Variants in HIP1 observed in about 807,000 individuals in gnomAD.
HIP1 encodes huntingtin-interacting protein 1.
Under a neutral mutation model 147.6 loss-of-function variants are expected in HIP1, and 65 were observed. The observed-to-expected ratio is 0.44, with a 90% CI of 0.36 to 0.54. The LOEUF (loss-of-function observed/expected upper bound fraction) is 0.54, where lower values mean the gene tolerates loss of function less well. Among genes scored for constraint, HIP1 ranks in the 20% least tolerant of loss-of-function variants. HIP1 has a pLI of 0.00. For missense variants in HIP1, 1,061 were observed against 1,299.6 expected (o/e 0.82, Z 2.82); for synonymous variants, 479 against 504.0 (o/e 0.95, Z 0.67).
At chr7:75,665,783 C>T (rs926692424) in intron 1 of HIP1, among the ~76,000 whole-genome samples, 7 of 152,168 alleles carry the variant, frequency 4.6e-5, no homozygotes, top group South Asian at 4.1e-4. Flanking sequence ...TCAAGTGATC[C>T]GCCTGCTTCG....
chr7:75,595,251 T>TCTTCCTTCCTTCCTTCCTTCCTTCCTTC (rs1554501696), intron 2 of HIP1, among the ~76,000 whole-genome samples: 15 of 59,536 alleles, frequency 2.5e-4, no homozygotes, highest in South Asian at 1.2e-3. Context: ...TTTCTTTCTT[T>TCTTCCTTCCTTCCTTCCTTCCTTCCTTC]CTTCCTTCCT....
intron 1 of HIP1, among the ~76,000 whole-genome samples, chr7:75,674,901 C>T (rs4728147): frequency 0.57 from 85,678 of 151,404 alleles, 24,740 homozygotes; most frequent in African/African-American, 0.66. Context: ...GTGACTATGA[C>T]GTGTCTTGGT....
chr7:75,601,119 GT>G (rs200988945), intron 1 of HIP1, among the ~76,000 whole-genome samples: 5 of 148,462 alleles, frequency 3.4e-5, no homozygotes, highest in Admixed American at 6.8e-5. Flanking sequence ...TAAAGAGTTT[GT>G]TTTTTTTTTA....
intron 1 of HIP1, among the ~76,000 whole-genome samples, chr7:75,655,471 A>G (rs1799116000): frequency 6.6e-6 from 1 of 151,876 alleles, no homozygotes; most frequent in African/African-American, 2.4e-5. Flanking sequence ...AATCCCAACT[A>G]CTTGGGAGGC....
intron 11 of HIP1, 75 bp from the exon 12 acceptor site, chr7:75,562,245 T>A (rs1256473905): frequency 6.5e-6 from 6 of 926,680 alleles, no homozygotes; most frequent in Non-Finnish European, 1.1e-5. Context: ...TTGAGTGATA[T>A]GGGAGAATGC....
At chr7:75,700,005 TA>T (rs1310314173) in intron 1 of HIP1, among the ~76,000 whole-genome samples, 1 of 152,052 alleles carries the variant, frequency 6.6e-6, no homozygotes, top group Non-Finnish European at 1.5e-5. Context: ...TGCGCACCAC[TA>T]CACCTGGCTA....
intron 4 of HIP1, among the ~76,000 whole-genome samples, chr7:75,589,477 G>T (rs192914324): frequency 6.6e-6 from 1 of 151,922 alleles, no homozygotes; most frequent in Non-Finnish European, 1.5e-5. Flanking sequence ...TTGAGGTCAG[G>T]AGTTCGAGAC....
intron 1 of HIP1, among the ~76,000 whole-genome samples, chr7:75,600,162 G>A (rs1158479869): frequency 1.3e-5 from 2 of 151,832 alleles, no homozygotes; most frequent in South Asian, 2.1e-4. Context: ...CCAGGCTAGA[G>A]TGCAGTGGTG....
chr7:75,634,581 C>T (rs1290794315), intron 1 of HIP1, among the ~76,000 whole-genome samples: 2 of 152,112 alleles, frequency 1.3e-5, no homozygotes, highest in African/African-American at 4.8e-5. Flanking sequence ...CGTGGCTAAT[C>T]ACTTCTGCCC....
At chr7:75,579,544 G>A (rs587714529) in intron 7 of HIP1, among the ~76,000 whole-genome samples, 2 of 151,792 alleles carry the variant, frequency 1.3e-5, no homozygotes, top group South Asian at 2.1e-4. Context: ...CGCCCCCCTT[G>A]GCCTTCCAAA....
At chr7:75,716,961 G>A (rs943028890) in intron 1 of HIP1, among the ~76,000 whole-genome samples, 2 of 151,962 alleles carry the variant, frequency 1.3e-5, no homozygotes, top group South Asian at 2.1e-4. Flanking sequence ...GACTACAGGC[G>A]CATGCCACCA....
rs782331675 is a variant in HIP1, at chr7:75,581,219, G to A, written c.604+18C>T. 43 of 1,592,916 alleles carry A rather than the reference G, an allele frequency of 2.7e-5. No homozygotes were observed. Among genetic ancestry groups the A allele is most frequent in the Admixed American group, 6.8e-5 (4 of 59,108 alleles). ...GTTCCCATGAGAGCCTGGGTTAGAC[G>A]GGAGGGAAGAGACTCACCTGTTTGG... On this transcript the variant is annotated intron_variant, in intron 7 of 30. Coordinates refer to ENST00000336926, the MANE Select transcript of HIP1 (RefSeq NM_005338.7).
At chr7:75,544,324 G>A (rs909111496) in intron 27 of HIP1, among the ~76,000 whole-genome samples, 2 of 152,094 alleles carry the variant, frequency 1.3e-5, no homozygotes, top group Admixed American at 6.6e-5. Flanking sequence ...ATCTAACCTA[G>A]CCAAGTACTC....
At chr7:75,545,213 G>A in intron 25 of HIP1, 25 bp from the exon 26 acceptor site, 1 of 1,377,088 alleles carries the variant, frequency 7.3e-7, no homozygotes, top group East Asian at 2.3e-5. Context: ...AATAGTAATA[G>A]CCACCTTTTA....
rs782434689 is a variant in HIP1, at chr7:75,563,216, C to T, written c.851G>A (p.Arg284Gln). The T allele has an allele frequency of 6.8e-6, 11 of 1,614,170 alleles. No homozygotes were observed. Among genetic ancestry groups the T allele is most frequent in the African/African-American group, 5.3e-5 (4 of 75,032 alleles). The stretch of plus-strand genomic sequence containing the variant: ...AGGCAGCTGGGGGATCTGAATGAGC[C>T]GCTTGAAGTACTGCAGGTTGCTGGA... ...YRSSNLQYFKRLIQIPQLPEN... is the reference protein window; with the variant it reads ...YRSSNLQYFKQLIQIPQLPEN... Residue 284 changes from arginine to glutamine, a missense_variant, in exon 10 of 31, where the codon CGG becomes CAG. Transcript: ENST00000336926.
chr7:75,736,978 A>G (rs1182032162), intron 1 of HIP1, among the ~76,000 whole-genome samples: 1 of 151,848 alleles, frequency 6.6e-6, no homozygotes, highest in African/African-American at 2.4e-5. Context: ...GCTGGAGTGC[A>G]GTGGCACGAT....
intron 7 of HIP1, among the ~76,000 whole-genome samples, chr7:75,580,732 TTC>T (rs373677844): frequency 1.3e-5 from 2 of 150,918 alleles, no homozygotes; most frequent in Non-Finnish European, 3.0e-5. Context: ...GAGTGAGACC[TTC>T]TCTCTCTCTC....
intron 1 of HIP1, chr7:75,639,166 G>A: frequency 1.0e-6 from 1 of 983,938 alleles, no homozygotes; most frequent in Non-Finnish European, 1.2e-6. Context: ...GCTGCGGGGA[G>A]GGCGGCCGGC....
Position 75,553,741 on chromosome 7 carries a change from G to C in HIP1, c.2159-152C>G, listed in dbSNP as rs587622296. The C allele has an allele frequency of 8.1e-5, 56 of 695,352 alleles. No individual in the cohort carries two copies. In the African/African-American group the frequency reaches 8.6e-4, roughly 11 times the overall value. 43.1% of individuals were successfully genotyped at this position (695,352 alleles called of 1,614,324 possible). ...CTGCCTCGGCCTCCCAAGTAGCTGG[G>C]ATTACGGGTGCGCCACCATGCCCGG... is the stretch of plus-strand genomic sequence containing the variant. On this transcript the variant is annotated intron_variant, in intron 21 of 30. Coordinates refer to ENST00000336926, the MANE Select transcript of HIP1 (RefSeq NM_005338.7).
Sources: gnomAD v4.1 joint callset for allele counts (sites outside exome capture counted in the v4.1 genomes callset) on GRCh38, gnomAD v4.1.1 for gene constraint, MANE v1.5 for transcripts, NCBI Gene and HGNC (gene_info 2026-07-23, HGNC 2026-07-21) for gene names.